Variants in SYT1 observed in about 807,000 individuals in gnomAD.
SYT1 encodes the protein synaptotagmin 1.
SYT1 carries 8 observed loss-of-function variants against 44.8 expected under a neutral mutation model. The ratio of observed to expected loss-of-function variants is 0.18; its 90% CI spans 0.10 to 0.32. The LOEUF is 0.32. SYT1 is among the 10% of genes least tolerant of loss of function. The pLI, the probability that SYT1 is intolerant of heterozygous loss-of-function variation, is 1.00. For synonymous variants in SYT1, 154 were observed against 188.8 expected, an observed-to-expected ratio of 0.82 and a Z score of 1.51; for missense variants, 286 against 509.3, an observed-to-expected ratio of 0.56 and a Z score of 4.22.
chr12:79,314,659 A>G (rs1308361504), intron 8 of SYT1, among the ~76,000 whole-genome samples: 4 of 152,234 alleles, frequency 2.6e-5, no homozygotes, highest in Admixed American at 6.5e-5. Context: ...AACCAGTTTG[A>G]CAGTTCCTCA....
chr12:79,294,835 G>A (rs1282408922), intron 6 of SYT1, among the ~76,000 whole-genome samples: 1 of 150,688 alleles, frequency 6.6e-6, no homozygotes, highest in Non-Finnish European at 1.5e-5. Flanking sequence ...ATCTGTCTGT[G>A]TTTTGTTTAC....
intron 4 of SYT1, among the ~76,000 whole-genome samples, chr12:79,263,903 A>C (rs1037519367): frequency 2.6e-5 from 4 of 152,060 alleles, no homozygotes; most frequent in African/African-American, 9.7e-5. Flanking sequence ...GCTTTCCTGT[A>C]AGTGAATATG....
At chr12:79,170,969 T>A (rs1176876704) in intron 3 of SYT1, among the ~76,000 whole-genome samples, 2 of 152,086 alleles carry the variant, frequency 1.3e-5, no homozygotes, top group South Asian at 2.1e-4. Context: ...CATTGCTTGT[T>A]TTTGTCAGGT....
chr12:79,250,241 G>A (rs1486091172), intron 4 of SYT1, among the ~76,000 whole-genome samples: 1 of 151,978 alleles, frequency 6.6e-6, no homozygotes, highest in Admixed American at 6.6e-5. Flanking sequence ...GTCCTTCCAG[G>A]AAAAAAAGGA....
intron 4 of SYT1, among the ~76,000 whole-genome samples, chr12:79,218,189 A>T (rs150167379): frequency 3.9e-5 from 6 of 152,062 alleles, no homozygotes; most frequent in African/African-American, 1.4e-4. Context: ...GTTTATTTGG[A>T]TAAGTATAGC....
In SYT1 at chr12:79,215,918, C is replaced by CTTTTT. The variant is rs71091653; in HGVS notation, c.-17-1559_-17-1555dup. Among the ~76,000 whole-genome samples, 309 of 76,794 alleles carry CTTTTT rather than the reference C, an allele frequency of 4.0e-3. 12 individuals are homozygous for CTTTTT. The highest frequency in any genetic ancestry group is 8.3e-3 in the East Asian group (19 of 2,292). 50.4% of individuals were successfully genotyped at this position (76,794 alleles called of 152,430 possible). A position where few individuals can be genotyped will look rare whatever the true frequency, so the allele number is the denominator to read the frequency against. On this transcript the variant is annotated intron_variant, in intron 3 of 10. Coordinates refer to ENST00000261205, the MANE Select transcript of SYT1 (RefSeq NM_005639.3). ...ACTCACAAATCGTTTGCATTTCTTTCTTTTTTTTTTTTTTTTTTTTTTTTT... is the reference window on the plus strand; with the variant it reads ...ACTCACAAATCGTTTGCATTTCTTTCTTTTTTTTTTTTTTTTTTTTTTTTTTTTTT...
At chr12:78,973,618 G>A (rs986288514) in intron 1 of SYT1, among the ~76,000 whole-genome samples, 3 of 151,960 alleles carry the variant, frequency 2.0e-5, no homozygotes, top group Admixed American at 6.6e-5. Context: ...TGTTTTTAAT[G>A]ACAAACAACC....
rs528123476 is a variant in SYT1, at chr12:79,053,611, A to G, written c.-18+6249A>G. 2.0e-4 allele frequency among the ~76,000 whole-genome samples: 30 copies of G among 149,240 alleles called. No homozygotes were observed. In the East Asian group the frequency reaches 4.7e-3, roughly 23 times the overall value. The stretch of plus-strand genomic sequence containing the variant: ...AAATTATTTTATAATATTGACAATT[A>G]TTTAAAATATATATCACCAATAAAA... On this transcript the variant is annotated intron_variant, in intron 3 of 10. Transcript: ENST00000261205.
chr12:79,159,452 A>G (rs1384314426), intron 3 of SYT1, among the ~76,000 whole-genome samples: 1 of 152,180 alleles, frequency 6.6e-6, no homozygotes, highest in Non-Finnish European at 1.5e-5. Context: ...CAGATTGAAA[A>G]TATTACAGTA....
At chr12:79,166,769 T>C (rs1434755204) in intron 3 of SYT1, among the ~76,000 whole-genome samples, 1 of 152,008 alleles carries the variant, frequency 6.6e-6, no homozygotes, top group African/African-American at 2.4e-5. Flanking sequence ...CAAATGTTGG[T>C]TGGATTATAC....
At chr12:79,307,336 A>G (rs57304190) in intron 8 of SYT1, among the ~76,000 whole-genome samples, 1,619 of 152,358 alleles carry the variant, frequency 0.011, 31 homozygotes, top group African/African-American at 0.037. Context: ...ATTCTTGCCA[A>G]TTATGAACAA....
intron 1 of SYT1, among the ~76,000 whole-genome samples, chr12:78,940,950 G>A (rs952782951): frequency 2.0e-5 from 3 of 152,106 alleles, no homozygotes; most frequent in Middle Eastern, 3.4e-3. Flanking sequence ...AATTGAATTG[G>A]CGAAGTTGAA....
intron 3 of SYT1, among the ~76,000 whole-genome samples, chr12:79,139,088 C>G (rs1022234672): frequency 1.3e-5 from 2 of 152,174 alleles, no homozygotes; most frequent in Non-Finnish European, 2.9e-5. Flanking sequence ...ACACATGTCC[C>G]GTAGCTCTGG....
chr12:79,272,017 A>G (rs1023761470), intron 4 of SYT1, among the ~76,000 whole-genome samples: 2 of 152,250 alleles, frequency 1.3e-5, no homozygotes, highest in Non-Finnish European at 2.9e-5. Flanking sequence ...GCAGATTTTA[A>G]CAGATGTATC....
At chr12:79,222,759 T>C (rs911748424) in intron 4 of SYT1, among the ~76,000 whole-genome samples, 1 of 152,198 alleles carries the variant, frequency 6.6e-6, no homozygotes, top group Admixed American at 6.5e-5. Flanking sequence ...GCTCTGTTGA[T>C]GCTGTCCCAT....
At chr12:79,078,707 C>A (rs1056702827) in intron 3 of SYT1, among the ~76,000 whole-genome samples, 1 of 152,060 alleles carries the variant, frequency 6.6e-6, no homozygotes, top group Non-Finnish European at 1.5e-5. Flanking sequence ...TACCCACCCC[C>A]AAAAGGCCCC....
chr12:78,868,696 T>A (rs1873668105), intron 1 of SYT1: 1 of 151,868 alleles, frequency 6.6e-6, no homozygotes, highest in Admixed American at 6.6e-5. Context: ...GGGCTATTCA[T>A]GTACAAAGTA....
chr12:79,143,076 A>G (rs985888149), intron 3 of SYT1, among the ~76,000 whole-genome samples: 4 of 152,192 alleles, frequency 2.6e-5, no homozygotes, highest in Non-Finnish European at 5.9e-5. Flanking sequence ...TTTAAAAAAA[A>G]GATGGGTGAT....
intron 3 of SYT1, among the ~76,000 whole-genome samples, chr12:79,155,222 G>A (rs182481409): frequency 1.9e-4 from 29 of 152,218 alleles, no homozygotes; most frequent in Non-Finnish European, 3.7e-4. Context: ...TAAAAATAAA[G>A]CAAGAGATTA....
Sources: gnomAD v4.1 joint callset for allele counts (sites outside exome capture counted in the v4.1 genomes callset) on GRCh38, gnomAD v4.1.1 for gene constraint, MANE v1.5 for transcripts, NCBI Gene and HGNC (gene_info 2026-07-23, HGNC 2026-07-21) for gene names.